The following IMMP2L variants were observed in gnomAD, a reference collection of about 807,000 sequenced individuals.
IMMP2L encodes the protein mitochondrial inner membrane protease subunit 2.
A neutral mutation model predicts 19.3 loss-of-function variants in IMMP2L; 18 were observed. That is an observed-to-expected ratio of 0.93 (90% CI 0.64 to 1.38). The LOEUF is 1.38. Ranked by LOEUF, IMMP2L falls within the 40% of genes most tolerant of loss-of-function variation. IMMP2L has a pLI of 0.00. For synonymous variants in IMMP2L, 76 were observed against 73.0 expected (o/e 1.04, Z -0.21); for missense variants, 233 against 218.2 (o/e 1.07, Z -0.43).
chr7:111,550,624 C>A (rs1003449656), intron 1 of IMMP2L, among the ~76,000 whole-genome samples: 12 of 152,138 alleles, frequency 7.9e-5, no homozygotes, highest in African/African-American at 2.4e-4. Flanking sequence ...AAAAAAAAGT[C>A]TATTTTAAAT....
intron 5 of IMMP2L, among the ~76,000 whole-genome samples, chr7:110,797,640 T>C (rs1562981778): frequency 6.6e-6 from 1 of 152,022 alleles, no homozygotes; most frequent in Non-Finnish European, 1.5e-5. Context: ...AGTATAAGAA[T>C]ATCTGCCATT....
intron 3 of IMMP2L, among the ~76,000 whole-genome samples, chr7:111,446,341 A>G (rs1838409071): frequency 7.0e-6 from 1 of 142,898 alleles, no homozygotes; most frequent in East Asian, 1.9e-4. Context: ...TGGTTCTCCC[A>G]GCACACAGCT....
In IMMP2L at chr7:110,953,998, A is replaced by G. The variant is rs1818114741; in HGVS notation, c.305+9502T>C. Among the ~76,000 whole-genome samples, 2 of 152,064 alleles carry G rather than the reference A, an allele frequency of 1.3e-5. 1 individual carries two copies. Among genetic ancestry groups the G allele is most frequent in the South Asian group, 4.1e-4 (2 of 4,830 alleles). On this transcript the variant is annotated intron_variant, in intron 4 of 5. Coordinates refer to ENST00000405709, the MANE Select transcript of IMMP2L (RefSeq NM_032549.4). ...AAGTGTCTGTTCATATCCTTCGCCC[A>G]CTTTTTGATGGTGTTGTTTGCCTAA... is the stretch of plus-strand genomic sequence containing the variant.
chr7:110,697,313 C>A (rs781108942), intron 5 of IMMP2L, among the ~76,000 whole-genome samples: 3 of 152,184 alleles, frequency 2.0e-5, no homozygotes, highest in Non-Finnish European at 2.9e-5. Context: ...TTGATTACCA[C>A]AGCATTGCTG....
In IMMP2L at chr7:111,123,387, C is replaced by T. The variant is rs780437672; in HGVS notation, c.240-159822G>A. On this transcript the variant is annotated intron_variant, in intron 3 of 5. Transcript: ENST00000405709. The surrounding 1 kb of genome is among the most constrained non-coding windows in gnomAD (Gnocchi z 6.4). ...AAAATCCAATTATCAGAATCAAAGA[C>T]ATGAACTTTAAGCCTCTTATCAATC... is the stretch of plus-strand genomic sequence containing the variant. The T allele has an allele frequency of 1.9e-6, 3 of 1,613,746 alleles. No homozygotes were observed. The highest frequency in any genetic ancestry group is 4.5e-5 in the East Asian group (2 of 44,848).
chr7:111,270,157 C>T (rs1470163595), intron 3 of IMMP2L, among the ~76,000 whole-genome samples: 1 of 151,076 alleles, frequency 6.6e-6, no homozygotes, highest in East Asian at 1.9e-4. Context: ...AATGTAGCTG[C>T]CCTAATTAAA....
At chr7:111,290,823 T>C (rs200532887) in intron 3 of IMMP2L, among the ~76,000 whole-genome samples, 3 of 108,248 alleles carry the variant, frequency 2.8e-5, no homozygotes, top group African/African-American at 9.0e-5. Flanking sequence ...TATATATATA[T>C]ACAAACACAC....
intron 3 of IMMP2L, among the ~76,000 whole-genome samples, chr7:111,310,407 A>G (rs1823387683): frequency 6.6e-6 from 1 of 152,088 alleles, no homozygotes; most frequent in East Asian, 1.9e-4. Flanking sequence ...TAGGGAGACA[A>G]GAAACTCTAT....
chr7:111,153,151 T>C (rs1395671528), intron 3 of IMMP2L, among the ~76,000 whole-genome samples: 1 of 152,132 alleles, frequency 6.6e-6, no homozygotes, highest in Non-Finnish European at 1.5e-5. Context: ...GGCAAATAGC[T>C]AGTTACTCAA....
At chr7:111,112,355 G>T (rs1376850113) in intron 3 of IMMP2L, among the ~76,000 whole-genome samples, 1 of 152,126 alleles carries the variant, frequency 6.6e-6, no homozygotes, top group Non-Finnish European at 1.5e-5. Context: ...CATACATCAA[G>T]AACTTTAACT....
intron 3 of IMMP2L, among the ~76,000 whole-genome samples, chr7:111,299,229 A>T (rs937000278): frequency 6.6e-6 from 1 of 152,290 alleles, no homozygotes; most frequent in Non-Finnish European, 1.5e-5. Flanking sequence ...CATCATGTTC[A>T]TAAGTAGGAT....
chr7:111,191,171 T>A (rs561750413), intron 3 of IMMP2L, among the ~76,000 whole-genome samples: 2 of 152,208 alleles, frequency 1.3e-5, no homozygotes, highest in South Asian at 4.1e-4. Context: ...TTTATTAATA[T>A]CATTTGCAGT....
chr7:110,821,784 G>T (rs561830916), intron 5 of IMMP2L, among the ~76,000 whole-genome samples: 11 of 152,088 alleles, frequency 7.2e-5, no homozygotes, highest in African/African-American at 2.2e-4. Flanking sequence ...TTACCTGGGC[G>T]TGGTGGCGCA....
In IMMP2L at chr7:111,225,881, C is replaced by T. The variant is rs543921970; in HGVS notation, c.239+261357G>A. On this transcript the variant is annotated intron_variant, in intron 3 of 5. Transcript: ENST00000405709. ...TGTTAAGTGTTCTTATGCCCTCAGG[C>T]TACTATAGTCACTTTATATATCCCC... is the stretch of plus-strand genomic sequence containing the variant. 1.2e-4 allele frequency among the ~76,000 whole-genome samples: 19 copies of T among 152,214 alleles called. No individual in the cohort carries two copies. In the South Asian group the frequency reaches 3.7e-3, roughly 30 times the overall value.
chr7:110,957,711 G>A (rs1818497798), intron 4 of IMMP2L, among the ~76,000 whole-genome samples: 1 of 151,832 alleles, frequency 6.6e-6, no homozygotes, highest in South Asian at 2.1e-4. Context: ...GTTTGCATTT[G>A]TTATTCCTTT....
chr7:111,417,070 AT>A (rs1835018330), intron 3 of IMMP2L, among the ~76,000 whole-genome samples: 1 of 151,776 alleles, frequency 6.6e-6, no homozygotes, highest in Non-Finnish European at 1.5e-5. Flanking sequence ...AAACTACCAT[AT>A]TAGGTAGCAC....
chr7:111,032,686 G>A (rs564583216), intron 3 of IMMP2L, among the ~76,000 whole-genome samples: 25 of 152,248 alleles, frequency 1.6e-4, no homozygotes, highest in African/African-American at 4.3e-4. Context: ...GCCAGGCATA[G>A]TGGTGGATGC....
chr7:110,918,902 T>G (rs1252965494), intron 4 of IMMP2L, among the ~76,000 whole-genome samples: 1 of 152,216 alleles, frequency 6.6e-6, no homozygotes, highest in African/African-American at 2.4e-5. Flanking sequence ...CAATTAGCAT[T>G]TTATCAAATC....
At chr7:110,990,301 C>T (rs1349962988) in intron 3 of IMMP2L, among the ~76,000 whole-genome samples, 1 of 152,016 alleles carries the variant, frequency 6.6e-6, no homozygotes, top group East Asian at 1.9e-4. Context: ...ATGGCTGTTG[C>T]CTTCACAAAT....
Sources: gnomAD v4.1 joint callset for allele counts (sites outside exome capture counted in the v4.1 genomes callset) on GRCh38, gnomAD v4.1.1 for gene constraint, Gnocchi (gnomAD v3.1) non-coding constraint, MANE v1.5 for transcripts, NCBI Gene and HGNC (gene_info 2026-07-23, HGNC 2026-07-21) for gene names.